DCDC1: variants seen among roughly 807,000 people sequenced by gnomAD.
DCDC1 encodes doublecortin domain-containing protein 1.
Under a neutral mutation model 178.3 loss-of-function variants are expected in DCDC1, and 200 were observed. The ratio of observed to expected loss-of-function variants is 1.12; its 90% CI spans 1.00 to 1.26. DCDC1 has a LOEUF of 1.26. Ranked by LOEUF, DCDC1 falls within the 50% of genes most tolerant of loss-of-function variation. DCDC1 has a pLI of 0.00. For missense variants in DCDC1, 1,983 were observed against 1,749.2 expected (o/e 1.13, Z -2.38); for synonymous variants, 690 against 604.8 (o/e 1.14, Z -2.07).
In DCDC1 at chr11:30,925,184, A is replaced by C; in HGVS notation, c.2997+125T>G. On this transcript the variant is annotated intron_variant, in intron 23 of 38. Coordinates refer to ENST00000684477, the MANE Select transcript of DCDC1 (RefSeq NM_001387274.1). ...ATTACTTTCTGATGTTTGCTCAGTT[A>C]GGATAATTCTGAGAGAAAATAAGAA... 3 of 810,880 alleles carry C rather than the reference A, an allele frequency of 3.7e-6. No individual in the cohort carries two copies. In the South Asian group the frequency reaches 5.5e-5, roughly 15 times the overall value. The allele number at this position is 810,880 out of a possible 1,614,324, so 50.2% of individuals were successfully genotyped here. A position where few individuals can be genotyped will look rare whatever the true frequency, so the allele number is the denominator to read the frequency against.
chr11:30,908,910 T>C (rs762631829), intron 29 of DCDC1, 36 bp downstream of exon 29: 1 of 1,538,872 alleles, frequency 6.5e-7, no homozygotes, highest in Non-Finnish European at 8.8e-7. Context: ...TTTTACCCTA[T>C]TTTTCTTTTA....
chr11:30,972,436 A>G (rs535018118), intron 20 of DCDC1, among the ~76,000 whole-genome samples: 49 of 152,318 alleles, frequency 3.2e-4, no homozygotes, highest in Non-Finnish European at 7.2e-4. Context: ...AAAATTTGTT[A>G]TCACTAGACC....
intron 9 of DCDC1, among the ~76,000 whole-genome samples, chr11:31,180,933 G>A (rs186957677): frequency 1.4e-4 from 21 of 152,074 alleles, no homozygotes; most frequent in Middle Eastern, 3.4e-3. Flanking sequence ...AGATCCCACC[G>A]CCACGGAGCC....
chr11:30,998,473 T>C (rs982926829), intron 20 of DCDC1, among the ~76,000 whole-genome samples: 14 of 152,060 alleles, frequency 9.2e-5, no homozygotes, highest in African/African-American at 3.4e-4. Context: ...CATCAGTCCA[T>C]ATAAACAATA....
chr11:31,069,619 T>C (rs1260661948), intron 18 of DCDC1, among the ~76,000 whole-genome samples: 2 of 151,964 alleles, frequency 1.3e-5, no homozygotes, highest in African/African-American at 4.8e-5. Flanking sequence ...AGACAAACAG[T>C]AGAAAACAAA....
chr11:31,227,109 G>T (rs1295414687), intron 9 of DCDC1, among the ~76,000 whole-genome samples: 2 of 152,084 alleles, frequency 1.3e-5, no homozygotes, highest in Non-Finnish European at 2.9e-5. Flanking sequence ...AAGCCAAAAA[G>T]ATATAGCTAA....
At chr11:30,960,140 G>C (rs1357660603) in intron 20 of DCDC1, among the ~76,000 whole-genome samples, 1 of 152,000 alleles carries the variant, frequency 6.6e-6, no homozygotes, top group Non-Finnish European at 1.5e-5. Context: ...CAAGAAGTTG[G>C]GTGTTGGGGA....
intron 9 of DCDC1, among the ~76,000 whole-genome samples, chr11:31,208,605 C>G (rs1206915113): frequency 1.3e-5 from 2 of 152,092 alleles, no homozygotes; most frequent in Admixed American, 6.6e-5. Context: ...CAATACTTTC[C>G]AAGAGTAAAA....
chr11:30,866,520 T>C (rs187359534), intron 38 of DCDC1, among the ~76,000 whole-genome samples: 2 of 152,238 alleles, frequency 1.3e-5, no homozygotes, highest in Non-Finnish European at 2.9e-5. Flanking sequence ...CAGCTCTTAC[T>C]ACTATTACAT....
At chr11:31,343,315 C>CA (rs1950639969) in intron 1 of DCDC1, among the ~76,000 whole-genome samples, 2 of 151,748 alleles carry the variant, frequency 1.3e-5, no homozygotes, top group Admixed American at 6.6e-5. Flanking sequence ...AAGACCCTGT[C>CA]TTTTTTTTGA....
intron 9 of DCDC1, among the ~76,000 whole-genome samples, chr11:31,184,191 G>A (rs1395862738): frequency 6.6e-6 from 1 of 152,162 alleles, no homozygotes; most frequent in East Asian, 1.9e-4. Flanking sequence ...ATGGGGAAAG[G>A]ATTCCCTATT....
At chr11:31,014,010 C>G (rs1484490112) in intron 20 of DCDC1, among the ~76,000 whole-genome samples, 1 of 152,130 alleles carries the variant, frequency 6.6e-6, no homozygotes, top group Non-Finnish European at 1.5e-5. Context: ...TGTCTAGTTC[C>G]CTCCTAGACT....
At chr11:31,211,200 T>C (rs1972491911) in intron 9 of DCDC1, among the ~76,000 whole-genome samples, 1 of 152,208 alleles carries the variant, frequency 6.6e-6, no homozygotes, top group Non-Finnish European at 1.5e-5. Context: ...AGACTGTATT[T>C]CTCACACTAC....
chr11:31,034,627 C>T (rs1953901995), intron 20 of DCDC1, among the ~76,000 whole-genome samples: 1 of 152,074 alleles, frequency 6.6e-6, no homozygotes, highest in African/African-American at 2.4e-5. Flanking sequence ...AGGTTTGTAG[C>T]CTAAGAGCAA....
intron 34 of DCDC1, among the ~76,000 whole-genome samples, chr11:30,895,004 C>T (rs1336443905): frequency 6.6e-6 from 1 of 152,038 alleles, no homozygotes; most frequent in Non-Finnish European, 1.5e-5. Context: ...GTGGTGATTC[C>T]AATTTATGTG....
At chr11:31,039,903 G>C (rs142771657) in intron 20 of DCDC1, among the ~76,000 whole-genome samples, 4 of 152,188 alleles carry the variant, frequency 2.6e-5, no homozygotes, top group Admixed American at 6.5e-5. Flanking sequence ...CTGAGAATAA[G>C]GAATAAATTG....
intron 11 of DCDC1, among the ~76,000 whole-genome samples, chr11:31,126,444 G>C (rs891170106): frequency 6.6e-6 from 1 of 152,052 alleles, no homozygotes. Flanking sequence ...TTCCCAAAAA[G>C]TCCATTTTTA....
intron 20 of DCDC1, among the ~76,000 whole-genome samples, chr11:30,988,019 T>C (rs1047802800): frequency 3.3e-5 from 5 of 151,698 alleles, no homozygotes; most frequent in African/African-American, 1.2e-4. Context: ...ATACAGGAGA[T>C]TAGGTCACAG....
intron 13 of DCDC1, 77 bp downstream of exon 13, chr11:31,106,720 T>C (rs1958873083): frequency 5.5e-6 from 4 of 731,904 alleles, no homozygotes; most frequent in East Asian, 2.4e-5. Context: ...AGGGTGCTAC[T>C]TGACTTCTCA....
Sources: gnomAD v4.1 joint callset for allele counts (sites outside exome capture counted in the v4.1 genomes callset) on GRCh38, gnomAD v4.1.1 for gene constraint, MANE v1.5 for transcripts, NCBI Gene and HGNC (gene_info 2026-07-23, HGNC 2026-07-21) for gene names.